Variants in SELENOI observed in about 807,000 individuals in gnomAD.
SELENOI encodes selenoprotein I.
Under a neutral mutation model 50.7 loss-of-function variants are expected in SELENOI, and 24 were observed. That is an observed-to-expected ratio of 0.47 (90% CI 0.34 to 0.67). The LOEUF (loss-of-function observed/expected upper bound fraction) is 0.67, where lower values mean the gene tolerates loss of function less well. Among genes scored for constraint, SELENOI ranks in the 30% least tolerant of loss-of-function variants. The probability of loss-of-function intolerance (pLI) is 0.01; values close to 1 mark genes in which losing one functional copy is unlikely to be tolerated. For missense variants in SELENOI, 352 were observed against 461.4 expected, an observed-to-expected ratio of 0.76 and a Z score of 2.17; for synonymous variants, 155 against 170.2, an observed-to-expected ratio of 0.91 and a Z score of 0.70.
intron 1 of SELENOI, among the ~76,000 whole-genome samples, chr2:26,361,527 T>A (rs939166278): frequency 6.6e-6 from 1 of 152,232 alleles, no homozygotes; most frequent in Non-Finnish European, 1.5e-5. Flanking sequence ...TGGCTATGGT[T>A]AAAATGAAAC....
At chr2:26,351,218 C>A (rs1358039716) in intron 1 of SELENOI, among the ~76,000 whole-genome samples, 2 of 152,088 alleles carry the variant, frequency 1.3e-5, no homozygotes, top group Non-Finnish European at 2.9e-5. Flanking sequence ...ACCACCACAC[C>A]CGGCTAATTT....
At chr2:26,388,816 A>G (rs1677902071) in intron 9 of SELENOI, among the ~76,000 whole-genome samples, 189 bp from the exon 10 acceptor site, 1 of 152,158 alleles carries the variant, frequency 6.6e-6, no homozygotes, top group Non-Finnish European at 1.5e-5. Flanking sequence ...TAACTTTCCC[A>G]TGTTAGTTCT....
chr2:26,351,413 A>C (rs936615267), intron 1 of SELENOI, among the ~76,000 whole-genome samples: 1 of 152,224 alleles, frequency 6.6e-6, no homozygotes, highest in Admixed American at 6.5e-5. Flanking sequence ...TGTGCTGCCC[A>C]GAATTTTGAG....
At chr2:26,352,906 T>C (rs562700137) in intron 1 of SELENOI, among the ~76,000 whole-genome samples, 3 of 150,296 alleles carry the variant, frequency 2.0e-5, no homozygotes, top group African/African-American at 7.3e-5. Flanking sequence ...TTGACAAGAA[T>C]CAGCTGATGC....
At chr2:26,366,315 A>G (rs1044971561) in intron 3 of SELENOI, among the ~76,000 whole-genome samples, 1 of 152,000 alleles carries the variant, frequency 6.6e-6, no homozygotes, top group African/African-American at 2.4e-5. Flanking sequence ...GTTTTTAAAA[A>G]TTTATTTATT....
chr2:26,354,316 A>G (rs1677019343), intron 1 of SELENOI, among the ~76,000 whole-genome samples: 1 of 152,118 alleles, frequency 6.6e-6, no homozygotes, highest in Admixed American at 6.6e-5. Context: ...TCTTCCTGCT[A>G]TTCTGCCTCT....
intron 6 of SELENOI, among the ~76,000 whole-genome samples, chr2:26,377,967 G>A (rs541102300): frequency 6.6e-6 from 1 of 152,124 alleles, no homozygotes; most frequent in African/African-American, 2.4e-5. Context: ...GTTCTGATAG[G>A]CATTTAACTT....
At position 26,391,046 on chromosome 2, in the gene SELENOI, G is replaced by A. The variant is rs766718705; in HGVS notation, c.*1943G>A. On this transcript the variant is annotated 3_prime_UTR_variant, in exon 10 of 10. Transcript: ENST00000260585. ...CCACAGGCTTTCTTGACCTTGTACAGTATAGTAAAAATACCCTTTACTTCT... is the reference window on the plus strand; with the variant it reads ...CCACAGGCTTTCTTGACCTTGTACAATATAGTAAAAATACCCTTTACTTCT... The A allele has an allele frequency of 7.2e-6, 1 of 138,084 alleles. No individual in the cohort carries two copies. Among genetic ancestry groups the A allele is most frequent in the Non-Finnish European group, 1.5e-5 (1 of 64,776 alleles). The allele number at this position is 138,084 out of a possible 1,614,324, so 8.6% of individuals were successfully genotyped here. A position where few individuals can be genotyped will look rare whatever the true frequency, so the allele number is the denominator to read the frequency against.
chr2:26,393,379 A>G lies in SELENOI; in HGVS notation c.*4276A>G, dbSNP rs1012447098. The G allele has an allele frequency of 3.3e-5, 5 of 152,754 alleles. No homozygotes were observed. The highest frequency in any genetic ancestry group is 2.1e-4 in the South Asian group (1 of 4,826). 9.5% of individuals were successfully genotyped at this position (152,754 alleles called of 1,614,324 possible). On this transcript the variant is annotated 3_prime_UTR_variant, in exon 10 of 10. Transcript: ENST00000260585. The stretch of plus-strand genomic sequence containing the variant: ...ACAAATATGCAATAGATAGTAATCT[A>G]TCTACTTTTTTTAAAGCAGGGATCT...
rs752461700 is a variant in SELENOI at position 26,364,888 on chromosome 2, C to T, written c.183C>T (p.Val61=). 7 of 1,610,660 alleles carry T rather than the reference C, an allele frequency of 4.3e-6. No homozygotes were observed. The highest frequency in any genetic ancestry group is 1.7e-4 in the Middle Eastern group (1 of 6,050). ...TAACTTTTTCTGGCTTTCTGCTGGT[C>T]GTATTCAATTTTCTGCTAATGGCAT... ...NLITFSGFLL[V]VFNFLLMAYF... The change falls in exon 3 of 10, where the codon GTC becomes GTT. Residue 61 remains valine (V), a synonymous_variant. Coordinates refer to ENST00000260585, the MANE Select transcript of SELENOI (RefSeq NM_033505.4).
intron 1 of SELENOI, among the ~76,000 whole-genome samples, chr2:26,355,869 G>C (rs1352272541): frequency 6.6e-6 from 1 of 151,844 alleles, no homozygotes; most frequent in African/African-American, 2.4e-5. Flanking sequence ...AACCTCTCAA[G>C]TAGCTGGACT....
At chr2:26,356,532 AAG>A (rs1677068211) in intron 1 of SELENOI, among the ~76,000 whole-genome samples, 2 of 152,184 alleles carry the variant, frequency 1.3e-5, no homozygotes, top group Admixed American at 1.3e-4. Context: ...TTCTTAAATT[AAG>A]GGGGACTCAT....
At chr2:26,373,154 G>A (rs1181152111) in intron 4 of SELENOI, among the ~76,000 whole-genome samples, 1 of 152,230 alleles carries the variant, frequency 6.6e-6, no homozygotes, top group African/African-American at 2.4e-5. Flanking sequence ...CTCCCAAAGT[G>A]TGGGGATTAC....
intron 6 of SELENOI, among the ~76,000 whole-genome samples, chr2:26,378,173 T>C (rs1415619915): frequency 6.6e-6 from 1 of 152,212 alleles, no homozygotes; most frequent in Non-Finnish European, 1.5e-5. Context: ...CACCTCTCTA[T>C]GATTTTTTTG....
intron 6 of SELENOI, among the ~76,000 whole-genome samples, chr2:26,380,364 A>C (rs1677661263): frequency 6.6e-6 from 1 of 152,008 alleles, no homozygotes; most frequent in Non-Finnish European, 1.5e-5. Flanking sequence ...GTAGCATTCC[A>C]TTCTATATGT....
intron 7 of SELENOI, among the ~76,000 whole-genome samples, chr2:26,384,414 C>T (rs1572337582): frequency 6.6e-6 from 1 of 152,116 alleles, no homozygotes; most frequent in Non-Finnish European, 1.5e-5. Context: ...GGAAGCAGGA[C>T]TGGAATTTGG....
At chr2:26,348,542 C>T (rs565327555) in intron 1 of SELENOI, among the ~76,000 whole-genome samples, 1 of 152,282 alleles carries the variant, frequency 6.6e-6, no homozygotes, top group Admixed American at 6.5e-5. Context: ...TATGGAAGAG[C>T]GTGGGATGGA....
intron 7 of SELENOI, among the ~76,000 whole-genome samples, chr2:26,383,971 T>C (rs1349860964): frequency 2.0e-5 from 3 of 152,184 alleles, no homozygotes; most frequent in African/African-American, 7.2e-5. Context: ...AGCCCTTATA[T>C]AGAAGTTCCT....
At chr2:26,387,471 G>A (rs928467132) in intron 9 of SELENOI, among the ~76,000 whole-genome samples, 2 of 151,680 alleles carry the variant, frequency 1.3e-5, no homozygotes, top group Admixed American at 6.6e-5. Flanking sequence ...CGGGTGGATC[G>A]CTTTAGCTCA....
Sources: allele counts gnomAD v4.1 joint callset (sites outside exome capture counted in the v4.1 genomes callset), GRCh38; gene constraint gnomAD v4.1.1; transcripts MANE v1.5; gene names NCBI Gene and HGNC (gene_info 2026-07-23, HGNC 2026-07-21).